Variants in MAP4K4 observed in about 807,000 individuals in gnomAD.
MAP4K4 encodes mitogen-activated protein kinase kinase kinase kinase 4, also known as HPK/GCK-like kinase HGK.
MAP4K4 carries 38 observed loss-of-function variants against 189.6 expected under a neutral mutation model. That is an observed-to-expected ratio of 0.20 (90% confidence interval 0.15 to 0.26). The LOEUF is 0.26. MAP4K4 is among the 10% of genes least tolerant of loss of function. MAP4K4 has a pLI of 1.00. For synonymous variants in MAP4K4, 610 were observed against 624.3 expected (o/e 0.98, Z 0.34); for missense variants, 1,054 against 1,726.9 (o/e 0.61, Z 6.91).
intron 3 of MAP4K4, among the ~76,000 whole-genome samples, chr2:101,805,318 C>T (rs2094823892): frequency 6.6e-6 from 1 of 152,158 alleles, no homozygotes; most frequent in African/African-American, 2.4e-5. Context: ...TCTCTCACCA[C>T]ATATTACTTT....
At chr2:101,875,536 A>G (rs2098176513) in intron 26 of MAP4K4, among the ~76,000 whole-genome samples, 1 of 152,144 alleles carries the variant, frequency 6.6e-6, no homozygotes, top group South Asian at 2.1e-4. Flanking sequence ...CGTCACAATT[A>G]TTTATTTCAG....
chr2:101,761,254 A>G (rs1173201976), intron 2 of MAP4K4, among the ~76,000 whole-genome samples: 1 of 152,200 alleles, frequency 6.6e-6, no homozygotes, highest in Admixed American at 6.5e-5. Flanking sequence ...GAAGTATTTC[A>G]TATTTAAAAT....
chr2:101,840,125 C>T (rs2096871673), intron 10 of MAP4K4, 131 bp downstream of exon 10: 13 of 838,580 alleles, frequency 1.6e-5, no homozygotes, highest in South Asian at 2.2e-5. Flanking sequence ...TCTCTGCTTG[C>T]GGTTCAGTGC....
intron 2 of MAP4K4, among the ~76,000 whole-genome samples, chr2:101,784,928 A>G (rs2089886060): frequency 6.6e-6 from 1 of 152,108 alleles, no homozygotes; most frequent in South Asian, 2.1e-4. Context: ...GTTGAGGATA[A>G]TGATACTTGC....
chr2:101,759,179 G>A (rs1337574572), intron 2 of MAP4K4, among the ~76,000 whole-genome samples: 1 of 151,664 alleles, frequency 6.6e-6, no homozygotes, highest in African/African-American at 2.4e-5. Context: ...TCGTTTTGGG[G>A]TTCTTGTTTC....
intron 2 of MAP4K4, among the ~76,000 whole-genome samples, chr2:101,715,313 T>C (rs1187747372): frequency 1.3e-5 from 2 of 152,352 alleles, no homozygotes; most frequent in African/African-American, 4.8e-5. Context: ...CAAAAGGCCT[T>C]GTTTCTAAGT....
chr2:101,893,249 TACCTGTAAAG>T, exon 33 of MAP4K4: 1 of 456,438 alleles, frequency 2.2e-6, no homozygotes, highest in South Asian at 1.5e-5. Flanking sequence ...GTTTTGTGTA[TACCTGTAAAG>T]ACAAGCTGAG....
Position 101,871,552 on chromosome 2 carries a change from T to A in MAP4K4, c.2819T>A (p.Ile940Asn). Residue 940 changes from isoleucine (I) to asparagine (N), a missense_variant, in exon 24 of 33, where the codon ATT (isoleucine) becomes AAT (asparagine). Ile to Asn is a moderately radical substitution (Grantham distance 149). Around this residue, in one of 4 missense-constraint regions of MAP4K4, gnomAD observed 646 missense variants for 796.2 expected, o/e 0.81. Transcript: ENST00000324219. Reference sequence around the variant, plus strand: ...GAGAGCAATGGCTTTGCCGGTCGCATTCACCTCTTGCCAGATCTCTTACAG... The same window carrying A: ...GAGAGCAATGGCTTTGCCGGTCGCAATCACCTCTTGCCAGATCTCTTACAG... 3.3e-6 allele frequency: 5 copies of A among 1,536,270 alleles called. No individual in the cohort carries two copies. The highest frequency in any genetic ancestry group is 4.4e-6 in the Non-Finnish European group (5 of 1,146,908).
At chr2:101,838,333 C>A (rs2096823889) in intron 9 of MAP4K4, among the ~76,000 whole-genome samples, 1 of 152,226 alleles carries the variant, frequency 6.6e-6, no homozygotes, top group Non-Finnish European at 1.5e-5. Context: ...AAGCATTTCA[C>A]TGTACTGTGT....
At chr2:101,743,420 T>C (rs1304691696) in intron 2 of MAP4K4, among the ~76,000 whole-genome samples, 2 of 151,814 alleles carry the variant, frequency 1.3e-5, no homozygotes, top group African/African-American at 4.8e-5. Context: ...CATTTTTGGA[T>C]CCAGTGTTTG....
At chr2:101,766,112 C>G (rs1325877186) in intron 2 of MAP4K4, among the ~76,000 whole-genome samples, 1 of 152,170 alleles carries the variant, frequency 6.6e-6, no homozygotes, top group Non-Finnish European at 1.5e-5. Context: ...CCCTTTTTAT[C>G]TTTGACTGCT....
chr2:101,853,818 G>C (rs2097360069), intron 12 of MAP4K4, among the ~76,000 whole-genome samples: 1 of 152,102 alleles, frequency 6.6e-6, no homozygotes. Context: ...AGTGTGGAAT[G>C]GGTCCTGTAC....
At chr2:101,849,122 A>C (rs1364949160) in intron 12 of MAP4K4, among the ~76,000 whole-genome samples, 2 of 151,982 alleles carry the variant, frequency 1.3e-5, no homozygotes, top group Non-Finnish European at 2.9e-5. Flanking sequence ...TTCCTCCCTC[A>C]AAAAGGTGTT....
intron 3 of MAP4K4, among the ~76,000 whole-genome samples, chr2:101,809,614 ACC>A (rs1231923326): frequency 6.6e-6 from 1 of 152,236 alleles, no homozygotes; most frequent in Non-Finnish European, 1.5e-5. Flanking sequence ...ACTATTTGAA[ACC>A]TCTCAATAAA....
intron 3 of MAP4K4, among the ~76,000 whole-genome samples, chr2:101,821,674 C>T (rs563983011): frequency 1.3e-5 from 2 of 152,242 alleles, no homozygotes; most frequent in East Asian, 3.9e-4. Context: ...CTGTACACTT[C>T]TGTATTCTGT....
chr2:101,869,971 A>C (rs112366063), intron 22 of MAP4K4, 174 bp downstream of exon 22: 4 of 802,872 alleles, frequency 5.0e-6, no homozygotes, highest in South Asian at 1.9e-5. Context: ...TGGTGTGTGC[A>C]TATGTCAGTG....
intron 21 of MAP4K4, among the ~76,000 whole-genome samples, chr2:101,869,151 G>A (rs139044065): frequency 3.0e-3 from 448 of 151,700 alleles, no homozygotes; most frequent in Non-Finnish European, 3.9e-3. Context: ...AAACCTTAGC[G>A]CTTTGAAGTT....
At chr2:101,697,763 G>A (rs1465257563) in exon 1 of MAP4K4, 5 of 145,722 alleles carry the variant, frequency 3.4e-5, no homozygotes, top group African/African-American at 7.4e-5. Context: ...CTCGAGGCGC[G>A]CGGCGCGGGG....
At chr2:101,707,212 C>CT (rs545502305) in intron 2 of MAP4K4, among the ~76,000 whole-genome samples, 2,155 of 133,924 alleles carry the variant, frequency 0.016, 45 homozygotes, top group African/African-American at 0.041. Context: ...TTTATTTTAT[C>CT]TTTTTTTTTT....
Sources: allele counts gnomAD v4.1 joint callset (sites outside exome capture counted in the v4.1 genomes callset), GRCh38; gene constraint gnomAD v4.1.1; regional missense constraint gnomAD v4.1.1; transcripts MANE v1.5; gene names NCBI Gene and HGNC (gene_info 2026-07-23, HGNC 2026-07-21).